The following SPRY3 variants were observed in gnomAD, a reference collection of about 807,000 sequenced individuals.
SPRY3 encodes the protein sprouty RTK signaling antagonist 3.
Under a neutral mutation model 20.2 loss-of-function variants are expected in SPRY3, and 15 were observed. That is an observed-to-expected ratio of 0.74 (90% CI 0.50 to 1.14). The LOEUF (loss-of-function observed/expected upper bound fraction) is 1.14, where lower values mean the gene tolerates loss of function less well. Among genes scored for constraint, SPRY3 ranks in the 50% most tolerant of loss-of-function variants. The pLI is 0.00. For synonymous variants in SPRY3, 143 were observed against 136.5 expected (o/e 1.05, Z -0.33); for missense variants, 364 against 363.9 (o/e 1.00, Z 0.00).
chrX:155,747,766 T>C (rs1433878352), intron 2 of SPRY3, among the ~76,000 whole-genome samples: 1 of 151,852 alleles, frequency 6.6e-6, no homozygotes, highest in Admixed American at 6.6e-5. Context: ...GAAGGGAAAC[T>C]ATGCCACCTG....
At chrX:155,745,581 C>A (rs888041877) in intron 2 of SPRY3, among the ~76,000 whole-genome samples, 1 of 152,006 alleles carries the variant, frequency 6.6e-6, no homozygotes, top group Non-Finnish European at 1.5e-5. Context: ...CCTTGACATG[C>A]AGAAAGACTA....
At chrX:155,640,466 G>A (rs1292159553) in intron 1 of SPRY3, among the ~76,000 whole-genome samples, 4 of 112,204 alleles carry the variant, frequency 3.6e-5, no homozygotes, top group Admixed American at 2.8e-4. Context: ...AAAATATCAA[G>A]CAACTCAACT....
At chrX:155,725,171 A>G (rs749672730) in intron 2 of SPRY3, among the ~76,000 whole-genome samples, 23 of 152,306 alleles carry the variant, frequency 1.5e-4, no homozygotes, top group African/African-American at 5.5e-4. Flanking sequence ...GATAAAGCCA[A>G]CTTGATCATG....
intron 3 of SPRY3, among the ~76,000 whole-genome samples, chrX:155,773,309 T>G (rs906270664): frequency 4.8e-4 from 65 of 134,140 alleles, no homozygotes; most frequent in African/African-American, 1.7e-3. Context: ...TTTGATTGGA[T>G]ATATATATAT....
At chrX:155,614,333 A>G in intron 1 of SPRY3, among the ~76,000 whole-genome samples, 1 of 112,414 alleles carries the variant, frequency 8.9e-6, no homozygotes, top group South Asian at 3.7e-4. Flanking sequence ...GAAGATCATA[A>G]CTGTAGCAAT....
At chrX:155,715,146 G>A (rs2091013315) in intron 2 of SPRY3, among the ~76,000 whole-genome samples, 1 of 152,018 alleles carries the variant, frequency 6.6e-6, no homozygotes, top group Admixed American at 6.6e-5. Flanking sequence ...TCAAACAGAA[G>A]GAGTCTTTCA....
At chrX:155,619,353 C>T (rs781902695) in intron 1 of SPRY3, among the ~76,000 whole-genome samples, 209 of 110,074 alleles carry the variant, frequency 1.9e-3, no homozygotes, top group East Asian at 8.5e-4. Flanking sequence ...TTGTGAGGGT[C>T]TGTTTCTGTT....
intron 2 of SPRY3, among the ~76,000 whole-genome samples, chrX:155,766,523 C>T (rs1459022902): frequency 6.6e-6 from 1 of 152,168 alleles, no homozygotes; most frequent in East Asian, 1.9e-4. Flanking sequence ...GTAACCAAAG[C>T]ATCCTAAGAA....
intron 2 of SPRY3, among the ~76,000 whole-genome samples, chrX:155,757,220 C>T (rs914406526): frequency 1.1e-4 from 16 of 152,154 alleles, no homozygotes; most frequent in African/African-American, 3.9e-4. Context: ...TTCCCTCACC[C>T]TTCCCACTCT....
intron 2 of SPRY3, among the ~76,000 whole-genome samples, chrX:155,706,308 G>A (rs1405104599): frequency 6.6e-6 from 1 of 151,036 alleles, no homozygotes; most frequent in Non-Finnish European, 1.5e-5. Context: ...AAAATATTTT[G>A]AACTGAATGA....
intron 1 of SPRY3, among the ~76,000 whole-genome samples, chrX:155,638,140 C>A (rs2124534224): frequency 9.7e-6 from 1 of 102,603 alleles, no homozygotes; most frequent in South Asian, 4.5e-4. Flanking sequence ...AAGTGGGTAT[C>A]CCAGCCAGCA....
At chrX:155,650,623 A>G (rs1381656612) in intron 1 of SPRY3, among the ~76,000 whole-genome samples, 3 of 111,735 alleles carry the variant, frequency 2.7e-5, no homozygotes, top group African/African-American at 9.8e-5. Flanking sequence ...AGTCCTCTAC[A>G]TATTGAATTT....
chrX:155,721,849 A>G (rs890535789), intron 2 of SPRY3, among the ~76,000 whole-genome samples: 1 of 152,164 alleles, frequency 6.6e-6, no homozygotes, highest in African/African-American at 2.4e-5. Context: ...TTAACGAGCA[A>G]TAAGTAATCA....
intron 1 of SPRY3, among the ~76,000 whole-genome samples, chrX:155,621,135 A>G (rs113507466): frequency 1.8e-5 from 2 of 111,979 alleles, no homozygotes; most frequent in African/African-American, 6.5e-5. Context: ...GTATGAGTGC[A>G]AGAATATGCA....
intron 1 of SPRY3, among the ~76,000 whole-genome samples, chrX:155,625,318 C>G (rs1470399060): frequency 3.6e-5 from 4 of 111,338 alleles, no homozygotes; most frequent in Non-Finnish European, 7.6e-5. Context: ...TTTGTTTCAT[C>G]TAGATTATTT....
chrX:155,728,092 C>A (rs987499731), intron 2 of SPRY3, among the ~76,000 whole-genome samples: 19 of 152,178 alleles, frequency 1.2e-4, no homozygotes, highest in Admixed American at 3.9e-4. Context: ...GAGGTCCACT[C>A]CAGAACCTGT....
chrX:155,697,410 C>A (rs894661142), intron 2 of SPRY3, among the ~76,000 whole-genome samples: 2 of 109,461 alleles, frequency 1.8e-5, no homozygotes, highest in African/African-American at 6.7e-5. Flanking sequence ...ATTGGCATTT[C>A]TGGATATCCA....
downstream of SPRY3, chrX:155,780,404 C>G (rs901050055): frequency 3.0e-5 from 5 of 166,870 alleles, no homozygotes; most frequent in African/African-American, 1.2e-4. Flanking sequence ...GAACCTGTGT[C>G]CTAAGGCCTA....
chrX:155,766,547 G>A, intron 2 of SPRY3, among the ~76,000 whole-genome samples: 1 of 152,130 alleles, frequency 6.6e-6, no homozygotes, highest in East Asian at 1.9e-4. Flanking sequence ...TGATGGCCAA[G>A]CTCCTGCCAC....
Sources: gnomAD v4.1 joint callset for allele counts (sites outside exome capture counted in the v4.1 genomes callset) on GRCh38, gnomAD v4.1.1 for gene constraint, MANE v1.5 for transcripts, NCBI Gene and HGNC (gene_info 2026-07-23, HGNC 2026-07-21) for gene names.